The following UNC5D variants were observed in gnomAD, a reference collection of about 807,000 sequenced individuals.
UNC5D encodes netrin receptor UNC5D.
A neutral mutation model predicts 105.4 loss-of-function variants in UNC5D; 39 were observed. That is an observed-to-expected ratio of 0.37 (90% confidence interval 0.29 to 0.48). The LOEUF (loss-of-function observed/expected upper bound fraction) is 0.48, where lower values mean the gene tolerates loss of function less well. UNC5D is among the 20% of genes least tolerant of loss of function. The probability of loss-of-function intolerance (pLI) is 0.98; values close to 1 mark genes in which losing one functional copy is unlikely to be tolerated. For synonymous variants in UNC5D, 452 were observed against 450.4 expected (o/e 1.00, Z -0.04); for missense variants, 991 against 1,202.4 (o/e 0.82, Z 2.60).
Position 35,390,275 on chromosome 8 carries a change from T to C in UNC5D, c.103+154388T>C, listed in dbSNP as rs111917132. Among the ~76,000 whole-genome samples, 17 of 152,284 alleles carry C rather than the reference T, an allele frequency of 1.1e-4. 1 individual carries two copies. Among genetic ancestry groups the C allele is most frequent in the African/African-American group, 3.1e-4 (13 of 41,568 alleles). On this transcript the variant is annotated intron_variant, in intron 1 of 16. Transcript: ENST00000404895. ...CTTCCACCAGGCCCCACCTCCAGCATTGGGGATTACGTTTGAATATGAGAT... is the reference window on the plus strand; with the variant it reads ...CTTCCACCAGGCCCCACCTCCAGCACTGGGGATTACGTTTGAATATGAGAT...
chr8:35,687,995 G>C (rs898758646), intron 7 of UNC5D, among the ~76,000 whole-genome samples: 5 of 152,084 alleles, frequency 3.3e-5, no homozygotes, highest in African/African-American at 4.8e-5. Flanking sequence ...AGCTGGGCGT[G>C]GTGGCAGGCA....
chr8:35,489,619 C>A (rs904110822), intron 1 of UNC5D, among the ~76,000 whole-genome samples: 7 of 152,138 alleles, frequency 4.6e-5, no homozygotes, highest in Admixed American at 1.3e-4. Flanking sequence ...GCCTCCAGAA[C>A]TGTGAGAAAC....
intron 1 of UNC5D, among the ~76,000 whole-genome samples, chr8:35,323,112 A>G (rs1781427271): frequency 6.6e-6 from 1 of 152,034 alleles, no homozygotes. Flanking sequence ...AGAAAAGATA[A>G]ATATTAATTT....
chr8:35,314,160 T>C (rs1004638754), intron 1 of UNC5D, among the ~76,000 whole-genome samples: 1 of 152,208 alleles, frequency 6.6e-6, no homozygotes, highest in Non-Finnish European at 1.5e-5. Context: ...GATGTGTTAA[T>C]TAAAAGCAAG....
At chr8:35,643,963 A>T (rs1184233672) in intron 4 of UNC5D, among the ~76,000 whole-genome samples, 1 of 151,988 alleles carries the variant, frequency 6.6e-6, no homozygotes, top group Non-Finnish European at 1.5e-5. Context: ...TAATACTTAC[A>T]CCTACACAAA....
At chr8:35,768,655 A>G (rs192992765) in intron 15 of UNC5D, among the ~76,000 whole-genome samples, 3 of 152,306 alleles carry the variant, frequency 2.0e-5, no homozygotes, top group Admixed American at 2.0e-4. Context: ...TTTATGTAAG[A>G]GGAATGTGAT....
At chr8:35,557,316 C>A (rs1816625083) in intron 2 of UNC5D, among the ~76,000 whole-genome samples, 1 of 152,160 alleles carries the variant, frequency 6.6e-6, no homozygotes, top group Admixed American at 6.5e-5. Context: ...ACTCGCGGTG[C>A]TTCTGAGGAA....
At chr8:35,487,204 A>G (rs1338712147) in intron 1 of UNC5D, among the ~76,000 whole-genome samples, 1 of 145,938 alleles carries the variant, frequency 6.9e-6, no homozygotes, top group Non-Finnish European at 1.5e-5. Context: ...ATGATATTGC[A>G]TGACGGTTAG....
intron 4 of UNC5D, among the ~76,000 whole-genome samples, chr8:35,622,441 A>T (rs867847527): frequency 2.0e-5 from 3 of 152,304 alleles, no homozygotes; most frequent in Middle Eastern, 3.4e-3. Context: ...TCTTGATGCT[A>T]TGAGTCAGGT....
rs1238386604 is a variant in UNC5D at position 35,794,096 on chromosome 8, C to T, written c.*3533C>T. 1 of 152,128 alleles carries T rather than the reference C, an allele frequency of 6.6e-6. No homozygotes were observed. Among genetic ancestry groups the T allele is most frequent in the Non-Finnish European group, 1.5e-5 (1 of 68,028 alleles). The allele number at this position is 152,128 out of a possible 1,614,324, so 9.4% of individuals were successfully genotyped here. On this transcript the variant is annotated 3_prime_UTR_variant, in exon 17 of 17. Transcript: ENST00000404895. ...TAGGATAATTGGTTTTAGATAATAT[C>T]TTCTACTGCCAAACTTCTGGCAAAT...
intron 11 of UNC5D, among the ~76,000 whole-genome samples, chr8:35,733,412 A>AT (rs1471650259): frequency 6.6e-6 from 1 of 152,062 alleles, no homozygotes; most frequent in African/African-American, 2.4e-5. Context: ...TTGAAAACCC[A>AT]TTTTCACTTT....
intron 1 of UNC5D, among the ~76,000 whole-genome samples, chr8:35,383,945 G>A (rs958647787): frequency 1.3e-4 from 19 of 151,962 alleles, no homozygotes; most frequent in African/African-American, 3.6e-4. Context: ...GGCTGGGCGC[G>A]GTGGCTCACG....
At chr8:35,327,742 A>T (rs1467211577) in intron 1 of UNC5D, among the ~76,000 whole-genome samples, 4 of 152,174 alleles carry the variant, frequency 2.6e-5, no homozygotes, top group African/African-American at 9.6e-5. Flanking sequence ...CCAATCCAGG[A>T]TGATGGATTG....
At chr8:35,250,581 G>A (rs7831684) in intron 1 of UNC5D, among the ~76,000 whole-genome samples, 68,351 of 151,902 alleles carry the variant, frequency 0.45, 15,743 homozygotes, top group East Asian at 0.7. Flanking sequence ...CGCAACCTCC[G>A]CCTCCCTGGC....
intron 1 of UNC5D, among the ~76,000 whole-genome samples, chr8:35,304,903 C>T (rs938947013): frequency 1.3e-5 from 2 of 151,920 alleles, no homozygotes; most frequent in Non-Finnish European, 2.9e-5. Context: ...GGAAGTCGTG[C>T]TGTTGTAATA....
chr8:35,727,106 G>T (rs1044236325), intron 10 of UNC5D: 5 of 153,034 alleles, frequency 3.3e-5, no homozygotes, highest in Non-Finnish European at 5.8e-5. Context: ...CACATATTTT[G>T]TTCCTCCTTT....
chr8:35,356,090 T>C (rs985383973), intron 1 of UNC5D, among the ~76,000 whole-genome samples: 1 of 152,158 alleles, frequency 6.6e-6, no homozygotes, highest in Non-Finnish European at 1.5e-5. Flanking sequence ...GGTTATCTTT[T>C]CTTTATAAAT....
intron 11 of UNC5D, among the ~76,000 whole-genome samples, chr8:35,745,213 C>A (rs1563727663): frequency 6.6e-6 from 1 of 152,108 alleles, no homozygotes; most frequent in African/African-American, 2.4e-5. Context: ...GGGAATGTTG[C>A]AATTACCAAG....
intron 1 of UNC5D, among the ~76,000 whole-genome samples, chr8:35,467,589 A>AAAAAAAG (rs1554537851): frequency 1.6e-5 from 2 of 126,240 alleles, no homozygotes; most frequent in South Asian, 2.5e-4. Context: ...AAAAAAAAAA[A>AAAAAAAG]AAGAAGAAAA....
Sources: gnomAD v4.1 joint callset for allele counts (sites outside exome capture counted in the v4.1 genomes callset) on GRCh38, gnomAD v4.1.1 for gene constraint, MANE v1.5 for transcripts, NCBI Gene and HGNC (gene_info 2026-07-23, HGNC 2026-07-21) for gene names.